ANO10: variants seen among roughly 807,000 people sequenced by gnomAD.
ANO10 encodes the protein anoctamin 10, also known as anoctamin-10.
ANO10 carries 77 observed loss-of-function variants against 74.7 expected under a neutral mutation model. The observed-to-expected ratio is 1.03, with a 90% CI of 0.86 to 1.25. The LOEUF (loss-of-function observed/expected upper bound fraction) is 1.25, where lower values mean the gene tolerates loss of function less well. Ranked by LOEUF, ANO10 falls within the 50% of genes most tolerant of loss-of-function variation. The pLI, the probability that ANO10 is intolerant of heterozygous loss-of-function variation, is 0.00. For missense variants in ANO10, 721 were observed against 778.1 expected (o/e 0.93, Z 0.87); for synonymous variants, 279 against 284.9 (o/e 0.98, Z 0.21).
At chr3:43,507,966 T>G (rs2077359764) in intron 11 of ANO10, among the ~76,000 whole-genome samples, 1 of 152,174 alleles carries the variant, frequency 6.6e-6, no homozygotes, top group Non-Finnish European at 1.5e-5. Flanking sequence ...AAATGTGATG[T>G]TCCTTATTAA....
intron 12 of ANO10, among the ~76,000 whole-genome samples, chr3:43,392,093 G>A (rs1406236522): frequency 1.3e-5 from 2 of 152,124 alleles, no homozygotes; most frequent in Non-Finnish European, 2.9e-5. Context: ...AGAGAGGCAG[G>A]AGGTGGGCCC....
chr3:43,486,599 C>T (rs1291743963), intron 11 of ANO10, among the ~76,000 whole-genome samples: 1 of 142,180 alleles, frequency 7.0e-6, no homozygotes, highest in African/African-American at 2.6e-5. Flanking sequence ...CCTGATTTGG[C>T]TCTCTGTCTG....
intron 11 of ANO10, among the ~76,000 whole-genome samples, chr3:43,445,016 C>T (rs549016016): frequency 5.0e-4 from 75 of 150,254 alleles, no homozygotes; most frequent in African/African-American, 1.6e-3. Context: ...CCAGCTACTC[C>T]GTGGGCTGAG....
intron 1 of ANO10, among the ~76,000 whole-genome samples, chr3:43,648,623 G>A (rs971526439): frequency 2.0e-5 from 3 of 150,898 alleles, no homozygotes; most frequent in Admixed American, 1.3e-4. Context: ...GAGGGTGATC[G>A]ATCGGAGGTC....
At chr3:43,506,211 G>A (rs2077288749) in intron 11 of ANO10, among the ~76,000 whole-genome samples, 1 of 152,114 alleles carries the variant, frequency 6.6e-6, no homozygotes, top group Non-Finnish European at 1.5e-5. Context: ...TTCCATTTGT[G>A]AAGTTGCTCA....
chr3:43,480,287 A>C (rs1294944468), intron 11 of ANO10, among the ~76,000 whole-genome samples: 1 of 152,248 alleles, frequency 6.6e-6, no homozygotes, highest in African/African-American at 2.4e-5. Context: ...ACATGGAGAA[A>C]AGATAATTCT....
At chr3:43,574,427 T>C (rs1559725169) in intron 7 of ANO10, among the ~76,000 whole-genome samples, 1 of 151,922 alleles carries the variant, frequency 6.6e-6, no homozygotes, top group African/African-American at 2.4e-5. Flanking sequence ...TGCGTCATCA[T>C]AGCCAGCTAA....
At chr3:43,398,131 C>T (rs903780983) in intron 12 of ANO10, among the ~76,000 whole-genome samples, 1 of 152,214 alleles carries the variant, frequency 6.6e-6, no homozygotes, top group Admixed American at 6.5e-5. Flanking sequence ...GGACTCTGGA[C>T]TCCACAGTTG....
chr3:43,506,981 T>A (rs2077319246), intron 11 of ANO10, among the ~76,000 whole-genome samples: 1 of 152,220 alleles, frequency 6.6e-6, no homozygotes, highest in Non-Finnish European at 1.5e-5. Context: ...TGTTCACTGC[T>A]GTATCCTCAC....
chr3:43,437,538 T>C (rs981855205), intron 11 of ANO10, among the ~76,000 whole-genome samples: 1 of 152,188 alleles, frequency 6.6e-6, no homozygotes, highest in African/African-American at 2.4e-5. Context: ...ACTTAAAGGA[T>C]ATACTTTAAA....
chr3:43,586,964 C>T (rs947120878), intron 4 of ANO10, among the ~76,000 whole-genome samples: 2 of 151,880 alleles, frequency 1.3e-5, no homozygotes, highest in Non-Finnish European at 2.9e-5. Context: ...TATGTAAGAG[C>T]CCACATATAT....
At chr3:43,663,000 C>G (rs952054978) in intron 1 of ANO10, among the ~76,000 whole-genome samples, 2 of 152,130 alleles carry the variant, frequency 1.3e-5, no homozygotes, top group Non-Finnish European at 2.9e-5. Context: ...TGAAACTATT[C>G]CAATCAATAG....
At chr3:43,466,985 T>C (rs375644922) in intron 11 of ANO10, among the ~76,000 whole-genome samples, 1 of 152,160 alleles carries the variant, frequency 6.6e-6, no homozygotes, top group African/African-American at 2.4e-5. Flanking sequence ...AATAAACACA[T>C]GAAGAGATGT....
intron 11 of ANO10, among the ~76,000 whole-genome samples, chr3:43,516,713 G>A (rs1306975938): frequency 1.3e-5 from 2 of 152,152 alleles, no homozygotes; most frequent in Non-Finnish European, 2.9e-5. Flanking sequence ...TAGAATGGTG[G>A]GGATTGAAGG....
At chr3:43,485,989 G>A in intron 11 of ANO10, 1 of 255,610 alleles carries the variant, frequency 3.9e-6, no homozygotes, top group Non-Finnish European at 7.7e-6. Context: ...ATATTTCCTT[G>A]ACACATTTTG....
chr3:43,462,144 T>C (rs1559569738), intron 11 of ANO10, among the ~76,000 whole-genome samples: 1 of 151,834 alleles, frequency 6.6e-6, no homozygotes, highest in Non-Finnish European at 1.5e-5. Flanking sequence ...CTTGAGAGAG[T>C]TGATTTAGGG....
intron 1 of ANO10, among the ~76,000 whole-genome samples, chr3:43,637,418 G>A (rs7629529): frequency 0.044 from 6,749 of 151,796 alleles, 482 homozygotes; most frequent in African/African-American, 0.15. Flanking sequence ...CAAATGAGCC[G>A]AGATGGCGCC....
chr3:43,674,159 T>G (rs1156793107), intron 1 of ANO10, among the ~76,000 whole-genome samples: 1 of 152,168 alleles, frequency 6.6e-6, no homozygotes, highest in African/African-American at 2.4e-5. Context: ...GAATTTTTAA[T>G]CATGGAATTT....
chr3:43,432,034 A>C (rs1026040369), intron 12 of ANO10, among the ~76,000 whole-genome samples: 1 of 151,718 alleles, frequency 6.6e-6, no homozygotes, highest in Admixed American at 6.6e-5. Flanking sequence ...CAAGTGAGAG[A>C]TACTCCAGGT....
Sources: allele counts gnomAD v4.1 joint callset (sites outside exome capture counted in the v4.1 genomes callset), GRCh38; gene constraint gnomAD v4.1.1; transcripts MANE v1.5; gene names NCBI Gene and HGNC (gene_info 2026-07-23, HGNC 2026-07-21).